The following CACNA2D3 variants were observed in gnomAD, a reference collection of about 807,000 sequenced individuals.
CACNA2D3 encodes voltage-dependent calcium channel subunit alpha-2/delta-3.
CACNA2D3 carries 60 observed loss-of-function variants against 160.6 expected under a neutral mutation model. The ratio of observed to expected loss-of-function variants is 0.37; its 90% confidence interval spans 0.30 to 0.46. The LOEUF (loss-of-function observed/expected upper bound fraction) is 0.46, where lower values mean the gene tolerates loss of function less well. CACNA2D3 is among the 20% of genes least tolerant of loss of function. The pLI is 1.00. For missense variants in CACNA2D3, 1,205 were observed against 1,365.0 expected (o/e 0.88, Z 1.85); for synonymous variants, 558 against 492.9 (o/e 1.13, Z -1.75).
intron 35 of CACNA2D3, among the ~76,000 whole-genome samples, chr3:55,051,017 CA>C (rs1007924718): frequency 6.8e-6 from 1 of 146,254 alleles, no homozygotes; most frequent in Admixed American, 6.8e-5. Context: ...AAATTTTTTT[CA>C]AAGTTTTCAA....
At chr3:55,007,665 A>G in intron 32 of CACNA2D3, 125 bp from the exon 33 acceptor site, 1 of 639,736 alleles carries the variant, frequency 1.6e-6, no homozygotes, top group Non-Finnish European at 2.6e-6. Flanking sequence ...CTAGAACGCC[A>G]CTGTTTTTTA....
chr3:54,163,879 A>G (rs565280873), intron 2 of CACNA2D3, among the ~76,000 whole-genome samples: 4 of 152,156 alleles, frequency 2.6e-5, no homozygotes, highest in Non-Finnish European at 5.9e-5. Context: ...CCTTTGCTAC[A>G]CAGACCACAT....
At chr3:55,073,916 C>T (rs547072739) in intron 37 of CACNA2D3, 57 bp downstream of exon 37, 2 of 1,406,362 alleles carry the variant, frequency 1.4e-6, no homozygotes, top group Non-Finnish European at 2.0e-6. Context: ...ACGAGAGTCT[C>T]ACACTGGTCA....
rs142192033 is a variant in CACNA2D3, at chr3:54,400,374, C to T, written c.381+13600C>T. On this transcript the variant is annotated intron_variant, in intron 4 of 37. Coordinates refer to ENST00000474759, the MANE Select transcript of CACNA2D3 (RefSeq NM_018398.3). ...CAGGTGCCAAAATAAGCTCATGAAA[C>T]CCTGAGCCCACGACTCCTCTTCCAT... Among the ~76,000 whole-genome samples, 471 of 152,080 alleles carry T rather than the reference C, an allele frequency of 3.1e-3. 3 individuals are homozygous for T. The highest frequency in any genetic ancestry group is 0.023 in the South Asian group (113 of 4,816).
chr3:54,176,376 T>A (rs1252256842), intron 2 of CACNA2D3, among the ~76,000 whole-genome samples: 1 of 152,238 alleles, frequency 6.6e-6, no homozygotes, highest in Admixed American at 6.5e-5. Flanking sequence ...CTGCCTTCGA[T>A]GTATTTCTTT....
At chr3:54,821,697 T>C (rs55753249) in intron 14 of CACNA2D3, among the ~76,000 whole-genome samples, 13,749 of 83,728 alleles carry the variant, frequency 0.16, 993 homozygotes, top group African/African-American at 0.18. Flanking sequence ...TCTTTCTTTC[T>C]TTCCTTCCTT....
chr3:54,834,239 GT>G (rs986437793), intron 14 of CACNA2D3, among the ~76,000 whole-genome samples: 19 of 152,160 alleles, frequency 1.2e-4, no homozygotes, highest in African/African-American at 4.3e-4. Flanking sequence ...TCAATGGTAT[GT>G]TTTTATTTCA....
chr3:55,070,653 C>CTTAT (rs1704783786), intron 35 of CACNA2D3, among the ~76,000 whole-genome samples: 1 of 152,154 alleles, frequency 6.6e-6, no homozygotes, highest in African/African-American at 2.4e-5. Context: ...GGTTTATCTT[C>CTTAT]TTATTTTTCC....
chr3:54,313,992 C>T (rs537688584), intron 2 of CACNA2D3, among the ~76,000 whole-genome samples: 1 of 151,794 alleles, frequency 6.6e-6, no homozygotes, highest in Admixed American at 6.6e-5. Flanking sequence ...TTGGTGCACC[C>T]ATCACCCAAG....
intron 2 of CACNA2D3, among the ~76,000 whole-genome samples, chr3:54,266,816 G>T (rs527415409): frequency 1.3e-5 from 2 of 152,314 alleles, no homozygotes; most frequent in East Asian, 3.9e-4. Context: ...TCACTCAGGT[G>T]GCCCTTGGCA....
chr3:54,431,899 C>T (rs1467650937), intron 4 of CACNA2D3, among the ~76,000 whole-genome samples: 1 of 152,224 alleles, frequency 6.6e-6, no homozygotes, highest in African/African-American at 2.4e-5. Context: ...TGAGCCACCA[C>T]ACCTGGCCGA....
intron 4 of CACNA2D3, among the ~76,000 whole-genome samples, chr3:54,453,349 A>G (rs1169302198): frequency 1.3e-5 from 2 of 152,152 alleles, no homozygotes; most frequent in Admixed American, 6.5e-5. Context: ...ATAATCTACT[A>G]TGACCTTTAA....
At chr3:54,204,993 A>G (rs1271869499) in intron 2 of CACNA2D3, among the ~76,000 whole-genome samples, 3 of 152,192 alleles carry the variant, frequency 2.0e-5, no homozygotes, top group Non-Finnish European at 4.4e-5. Flanking sequence ...AGTGATTGCC[A>G]TTATAAAAAA....
intron 2 of CACNA2D3, among the ~76,000 whole-genome samples, chr3:54,155,057 G>A (rs1458907132): frequency 1.3e-5 from 2 of 152,152 alleles, no homozygotes; most frequent in East Asian, 3.8e-4. Flanking sequence ...CAAAACAAGA[G>A]CATTAAATCC....
At chr3:54,301,317 G>C (rs1703472889) in intron 2 of CACNA2D3, among the ~76,000 whole-genome samples, 1 of 148,824 alleles carries the variant, frequency 6.7e-6, no homozygotes, top group Admixed American at 6.7e-5. Context: ...AAAAAAAAGA[G>C]GCCGGGGATG....
At chr3:54,461,157 G>A (rs1351764407) in intron 4 of CACNA2D3, among the ~76,000 whole-genome samples, 1 of 152,092 alleles carries the variant, frequency 6.6e-6, no homozygotes, top group Non-Finnish European at 1.5e-5. Flanking sequence ...GCTTTTTGAT[G>A]TGCTGCTGGA....
At chr3:54,951,312 G>C (rs752491836) in intron 27 of CACNA2D3, among the ~76,000 whole-genome samples, 15 of 152,212 alleles carry the variant, frequency 9.9e-5, no homozygotes, top group Non-Finnish European at 1.8e-4. Flanking sequence ...CCGCAGACAA[G>C]ATAAAGAAGA....
At chr3:54,691,987 C>CTT (rs368608001) in intron 11 of CACNA2D3, among the ~76,000 whole-genome samples, 25,193 of 150,938 alleles carry the variant, frequency 0.17, 2,391 homozygotes, top group Non-Finnish European at 0.22. Context: ...TTCTTTCTTC[C>CTT]TTTTTTTTTG....
chr3:54,289,677 C>A (rs374393453), intron 2 of CACNA2D3, among the ~76,000 whole-genome samples: 4 of 152,186 alleles, frequency 2.6e-5, no homozygotes, highest in Non-Finnish European at 4.4e-5. Flanking sequence ...GCTACAGTAA[C>A]CAAAACAGCA....
Sources: gnomAD v4.1 joint callset for allele counts (sites outside exome capture counted in the v4.1 genomes callset) on GRCh38, gnomAD v4.1.1 for gene constraint, MANE v1.5 for transcripts, NCBI Gene and HGNC (gene_info 2026-07-23, HGNC 2026-07-21) for gene names.